TSPAN9: variants seen among roughly 807,000 people sequenced by gnomAD.
The protein encoded by TSPAN9 is tetraspanin 9.
A neutral mutation model predicts 31.0 loss-of-function variants in TSPAN9; 16 were observed. The ratio of observed to expected loss-of-function variants is 0.52; its 90% CI spans 0.35 to 0.78. The LOEUF (loss-of-function observed/expected upper bound fraction) is 0.78, where lower values mean the gene tolerates loss of function less well. Ranked by LOEUF, TSPAN9 falls within the 30% of genes least tolerant of loss-of-function variation. The probability of loss-of-function intolerance (pLI) is 0.01; values close to 1 mark genes in which losing one functional copy is unlikely to be tolerated. For missense variants in TSPAN9, 272 were observed against 312.5 expected (o/e 0.87, Z 0.98); for synonymous variants, 145 against 121.6 (o/e 1.19, Z -1.27).
chr12:3,144,076 CTGATATATT>C (rs1389032628), intron 2 of TSPAN9, among the ~76,000 whole-genome samples: 1 of 151,390 alleles, frequency 6.6e-6, no homozygotes, highest in African/African-American at 2.5e-5. Flanking sequence ...CGAGTGTGTG[CTGATATATT>C]TATTTATTTA....
intron 2 of TSPAN9, among the ~76,000 whole-genome samples, chr12:3,194,700 C>T (rs1435539771): frequency 6.6e-6 from 1 of 152,132 alleles, no homozygotes; most frequent in Non-Finnish European, 1.5e-5. Flanking sequence ...CTTTTCTTTA[C>T]TAGTCTCAGA....
intron 3 of TSPAN9, among the ~76,000 whole-genome samples, chr12:3,259,397 A>G (rs1364228032): frequency 6.6e-6 from 1 of 152,176 alleles, no homozygotes; most frequent in Non-Finnish European, 1.5e-5. Context: ...CAGATTTCCA[A>G]TCCCTGGTCT....
chr12:3,078,862 T>G (rs973930302), intron 1 of TSPAN9, among the ~76,000 whole-genome samples: 1 of 152,204 alleles, frequency 6.6e-6, no homozygotes, highest in African/African-American at 2.4e-5. Flanking sequence ...ATATTTAATA[T>G]TAATAACAAT....
chr12:3,173,739 TC>T (rs2098353437), intron 2 of TSPAN9: 1 of 152,172 alleles, frequency 6.6e-6, no homozygotes, highest in African/African-American at 2.4e-5. Context: ...GTGATCCTGT[TC>T]CTCGGCCTCC....
intron 2 of TSPAN9, among the ~76,000 whole-genome samples, chr12:3,089,094 T>TGGTGGCGGGCGC (rs2098302415): frequency 1.3e-5 from 2 of 151,170 alleles, no homozygotes; most frequent in Admixed American, 6.6e-5. Flanking sequence ...TAGCCGGGCG[T>TGGTGGCGGGCGC]GGTGGCGGGC....
chr12:3,223,775 G>T (rs1050415866), intron 3 of TSPAN9, among the ~76,000 whole-genome samples: 1 of 152,222 alleles, frequency 6.6e-6, no homozygotes, highest in African/African-American at 2.4e-5. Context: ...GAATTCAGCC[G>T]TGGCGGCGGC....
intron 3 of TSPAN9, among the ~76,000 whole-genome samples, chr12:3,206,111 A>T (rs2098375024): frequency 6.6e-6 from 1 of 152,118 alleles, no homozygotes; most frequent in Non-Finnish European, 1.5e-5. Flanking sequence ...AGAGCACAGA[A>T]AACACCCTCC....
chr12:3,283,007 T>C, intron 8 of TSPAN9, 38 bp from the exon 9 acceptor site: 1 of 1,601,930 alleles, frequency 6.2e-7, no homozygotes, highest in Non-Finnish European at 8.5e-7. Context: ...TCCAGGCTGC[T>C]GCAGCTCCTG....
At chr12:3,230,514 A>G (rs1591692737) in intron 3 of TSPAN9, among the ~76,000 whole-genome samples, 2 of 151,834 alleles carry the variant, frequency 1.3e-5, no homozygotes, top group African/African-American at 4.8e-5. Flanking sequence ...CATGTCCTGG[A>G]ACTGAACGTC....
At chr12:3,252,358 C>T (rs1565632723) in intron 3 of TSPAN9, among the ~76,000 whole-genome samples, 1 of 152,216 alleles carries the variant, frequency 6.6e-6, no homozygotes, top group Non-Finnish European at 1.5e-5. Context: ...TGGGGAAGCC[C>T]ATTCCAGGCC....
rs979938849 is a variant in TSPAN9, at chr12:3,281,327, A to G, written c.562A>G (p.Thr188Ala). 1.3e-6 allele frequency: 2 copies of G among 1,549,598 alleles called. No individual in the cohort carries two copies. The highest frequency in any genetic ancestry group is 2.7e-5 in the African/African-American group (2 of 72,998). ...GRNATTPLWRTGCYEKVKMWF... is the reference protein window; with the variant it reads ...GRNATTPLWRAGCYEKVKMWF... The stretch of plus-strand genomic sequence containing the variant: ...CAACGCCACCACGCCTTTGTGGAGA[A>G]CGGTGAGGCTGGGGATGGACCGCTT... The change falls in exon 7 of 9, where the codon ACG becomes GCG. Residue 188 changes from threonine (T) to alanine (A), a missense_variant and splice_region_variant. By Grantham distance (58) the Thr-to-Ala change is moderately conservative. Transcript: ENST00000011898.
At chr12:3,091,322 T>A (rs1271778879) in intron 2 of TSPAN9, among the ~76,000 whole-genome samples, 1 of 152,266 alleles carries the variant, frequency 6.6e-6, no homozygotes, top group Non-Finnish European at 1.5e-5. Flanking sequence ...CAACTCACAA[T>A]GGACTCGACA....
Position 3,281,299 on chromosome 12 carries a change from G to A in TSPAN9, c.534G>A (p.Gly178=). The A allele has an allele frequency of 6.4e-7, 1 of 1,550,830 alleles. No individual in the cohort carries two copies. The highest frequency in any genetic ancestry group is 8.7e-7 in the Non-Finnish European group (1 of 1,146,796). The part of the protein sequence containing the change: ...RCCMENSQGC[G]RNATTPLWRT... ...GCATGGAGAACTCCCAGGGCTGCGG[G>A]CGCAACGCCACCACGCCTTTGTGGA... The change falls in exon 7 of 9, where the codon GGG becomes GGA. Residue 178 remains glycine (G), a synonymous_variant. Coordinates refer to ENST00000011898, the MANE Select transcript of TSPAN9 (RefSeq NM_006675.5).
Position 3,158,591 on chromosome 12 carries a change from G to A in TSPAN9, c.-17-42586G>A, listed in dbSNP as rs563576603. Among the ~76,000 whole-genome samples the A allele has an allele frequency of 9.9e-5, 15 of 152,170 alleles. No individual in the cohort carries two copies. The East Asian group carries it at 1.5e-3, about 16-fold the overall frequency. On this transcript the variant is annotated intron_variant, in intron 2 of 8. Transcript: ENST00000011898. ...ACAAAAAGTAGCTGGGCATGGTGGC[G>A]CACGCCTGTAGTCCCAGCTACTTGG...
chr12:3,255,714 C>T (rs553418937), intron 3 of TSPAN9, among the ~76,000 whole-genome samples: 1 of 152,360 alleles, frequency 6.6e-6, no homozygotes, highest in East Asian at 1.9e-4. Context: ...TTTTAGGTTA[C>T]CCTTAGAATA....
At chr12:3,136,036 C>T (rs371491021) in intron 2 of TSPAN9, among the ~76,000 whole-genome samples, 1 of 152,168 alleles carries the variant, frequency 6.6e-6, no homozygotes. Context: ...GAGGAGTCCC[C>T]AGCTTGGTAG....
chr12:3,238,788 C>A (rs1002858128), intron 3 of TSPAN9, among the ~76,000 whole-genome samples: 3 of 152,208 alleles, frequency 2.0e-5, no homozygotes, highest in Non-Finnish European at 2.9e-5. Flanking sequence ...GCAGATGCAC[C>A]GTTTAGTGCT....
intron 3 of TSPAN9, among the ~76,000 whole-genome samples, chr12:3,251,614 G>C (rs1402103750): frequency 6.6e-6 from 1 of 152,202 alleles, no homozygotes; most frequent in African/African-American, 2.4e-5. Flanking sequence ...TGAATTTCTA[G>C]GGCTGTATGT....
chr12:3,239,785 A>T (rs1480120107), intron 3 of TSPAN9, among the ~76,000 whole-genome samples: 1 of 151,992 alleles, frequency 6.6e-6, no homozygotes, highest in Admixed American at 6.5e-5. Context: ...CAGGGTCCTG[A>T]TGGGGAAGGG....
Sources: gnomAD v4.1 joint callset for allele counts (sites outside exome capture counted in the v4.1 genomes callset) on GRCh38, gnomAD v4.1.1 for gene constraint, MANE v1.5 for transcripts, NCBI Gene and HGNC (gene_info 2026-07-23, HGNC 2026-07-21) for gene names.